Variants in DPP10 observed in about 807,000 individuals in gnomAD.
DPP10 encodes inactive dipeptidyl peptidase 10.
Under a neutral mutation model 120.9 loss-of-function variants are expected in DPP10, and 33 were observed. The ratio of observed to expected loss-of-function variants is 0.27; its 90% CI spans 0.21 to 0.37. DPP10 has a LOEUF of 0.37. DPP10 is among the 10% of genes least tolerant of loss of function. DPP10 has a pLI of 1.00. For missense variants in DPP10, 816 were observed against 942.8 expected, an observed-to-expected ratio of 0.87 and a Z score of 1.76; for synonymous variants, 337 against 326.1, an observed-to-expected ratio of 1.03 and a Z score of -0.36.
intron 5 of DPP10, among the ~76,000 whole-genome samples, chr2:115,676,621 C>A (rs567867996): frequency 6.6e-6 from 1 of 151,868 alleles, no homozygotes; most frequent in Non-Finnish European, 1.5e-5. Context: ...TACAGACAGG[C>A]CTTTTGAGAT....
intron 7 of DPP10, among the ~76,000 whole-genome samples, chr2:115,693,353 A>G (rs1015512034): frequency 6.6e-6 from 1 of 152,120 alleles, no homozygotes; most frequent in Admixed American, 6.6e-5. Flanking sequence ...AGGTGCTCTC[A>G]TCCTTCCTGT....
chr2:114,958,755 A>T (rs1385960801), intron 1 of DPP10, among the ~76,000 whole-genome samples: 1 of 152,156 alleles, frequency 6.6e-6, no homozygotes, highest in Non-Finnish European at 1.5e-5. Flanking sequence ...GAATAGCCTC[A>T]CTGTTTAATT....
intron 5 of DPP10, among the ~76,000 whole-genome samples, chr2:115,565,364 A>G (rs2080935792): frequency 6.6e-6 from 1 of 152,202 alleles, no homozygotes; most frequent in Non-Finnish European, 1.5e-5. Context: ...CCAACTGAGA[A>G]TAAGTTGCCC....
intron 3 of DPP10, chr2:115,468,363 C>A: frequency 2.0e-6 from 1 of 510,376 alleles, no homozygotes. Context: ...CTGCTTCACT[C>A]TTGGGATGTT....
At chr2:115,637,461 C>T (rs748534803) in intron 5 of DPP10, among the ~76,000 whole-genome samples, 13 of 151,728 alleles carry the variant, frequency 8.6e-5, no homozygotes, top group Non-Finnish European at 1.6e-4. Context: ...AAATAGGAGG[C>T]ACAGAATTGA....
At chr2:114,597,968 A>G (rs1370396401) in intron 1 of DPP10, among the ~76,000 whole-genome samples, 3 of 151,870 alleles carry the variant, frequency 2.0e-5, no homozygotes, top group Admixed American at 6.6e-5. Context: ...GGAAAATGGT[A>G]CTTTTGACTT....
chr2:115,041,863 C>T (rs1225389383), intron 1 of DPP10, among the ~76,000 whole-genome samples: 2 of 152,082 alleles, frequency 1.3e-5, no homozygotes, highest in Non-Finnish European at 2.9e-5. Context: ...ATAGGTGGTG[C>T]CCTTTGTAAC....
At chr2:114,733,767 G>A (rs1180474964) in intron 1 of DPP10, among the ~76,000 whole-genome samples, 2 of 152,102 alleles carry the variant, frequency 1.3e-5, no homozygotes, top group Non-Finnish European at 2.9e-5. Flanking sequence ...GTTTTCAAAT[G>A]TAATTATTAT....
At chr2:114,542,297 C>T (rs1687024505) in intron 1 of DPP10, among the ~76,000 whole-genome samples, 1 of 151,950 alleles carries the variant, frequency 6.6e-6, no homozygotes, top group African/African-American at 2.4e-5. Flanking sequence ...ATCCACAAGT[C>T]CCAGTCTCCC....
Position 114,859,886 on chromosome 2 carries a change from CA to C in DPP10, c.60+417049del, listed in dbSNP as rs1302336912. On this transcript the variant is annotated intron_variant, in intron 1 of 25. Transcript: ENST00000410059. The stretch of plus-strand genomic sequence containing the variant: ...CTAGGCTAGACCAGGGCTTCTGAAG[CA>C]TTAATTATACATATGCATCATCTGG... Among the ~76,000 whole-genome samples, 3 of 152,162 alleles carry C rather than the reference CA, an allele frequency of 2.0e-5. No homozygotes were observed. In the East Asian group the frequency reaches 5.8e-4, roughly 29 times the overall value.
At chr2:115,023,857 C>T (rs1288435112) in intron 1 of DPP10, among the ~76,000 whole-genome samples, 1 of 152,104 alleles carries the variant, frequency 6.6e-6, no homozygotes, top group Non-Finnish European at 1.5e-5. Context: ...ATGACATTCA[C>T]AGCAACCTGG....
intron 1 of DPP10, among the ~76,000 whole-genome samples, chr2:114,753,439 G>T (rs1041412907): frequency 4.9e-4 from 74 of 152,166 alleles, no homozygotes; most frequent in African/African-American, 1.7e-3. Flanking sequence ...CTTATCTCCA[G>T]TGATCGCTGT....
intron 4 of DPP10, among the ~76,000 whole-genome samples, chr2:115,503,477 A>G: frequency 6.6e-6 from 1 of 152,196 alleles, no homozygotes; most frequent in South Asian, 2.1e-4. Context: ...ACACAGTAGC[A>G]CAGATAAAGA....
At chr2:115,697,466 A>G (rs1575549812) in intron 7 of DPP10, among the ~76,000 whole-genome samples, 1 of 152,016 alleles carries the variant, frequency 6.6e-6, no homozygotes, top group African/African-American at 2.4e-5. Context: ...AATCATAAAC[A>G]GTTTTGAGAG....
In DPP10 at chr2:115,094,189, G is replaced by A. The variant is rs755337662; in HGVS notation, c.61-215050G>A. On this transcript the variant is annotated intron_variant, in intron 1 of 25. Transcript: ENST00000410059. Reference sequence around the variant, plus strand: ...TTTAATCACTGTTACTTTACACTTTGATGTGCAAATTAAAATCGAGAACGT... The same window carrying A: ...TTTAATCACTGTTACTTTACACTTTAATGTGCAAATTAAAATCGAGAACGT... 4.5e-4 allele frequency among the ~76,000 whole-genome samples: 68 copies of A among 152,132 alleles called. 1 individual carries two copies. The highest frequency in any genetic ancestry group is 1.0e-3 in the African/African-American group (42 of 41,538).
At chr2:115,415,280 T>G (rs2069288193) in intron 3 of DPP10, among the ~76,000 whole-genome samples, 1 of 152,166 alleles carries the variant, frequency 6.6e-6, no homozygotes, top group Non-Finnish European at 1.5e-5. Context: ...TTGGTTTTGG[T>G]GCCTGCCTAT....
rs201565094 is a variant in DPP10, at chr2:114,491,694, T to A, written c.60+48856T>A. ...ATTTTGCTGAGAAGATTTTACTCACTGAAGCATAAAAATACATGCTCTCAA... is the reference window on the plus strand; with the variant it reads ...ATTTTGCTGAGAAGATTTTACTCACAGAAGCATAAAAATACATGCTCTCAA... On this transcript the variant is annotated intron_variant, in intron 1 of 25. Coordinates refer to ENST00000410059, the MANE Select transcript of DPP10 (RefSeq NM_020868.6). 1.6e-4 allele frequency among the ~76,000 whole-genome samples: 25 copies of A among 152,340 alleles called. No homozygotes were observed. The East Asian group carries it at 4.8e-3, about 29-fold the overall frequency.
At chr2:114,677,971 T>C (rs1291630937) in intron 1 of DPP10, among the ~76,000 whole-genome samples, 1 of 152,132 alleles carries the variant, frequency 6.6e-6, no homozygotes, top group Non-Finnish European at 1.5e-5. Flanking sequence ...AAGTGAAAGA[T>C]ATGGAGTGTT....
intron 1 of DPP10, among the ~76,000 whole-genome samples, chr2:114,551,296 C>T (rs1286882992): frequency 6.6e-6 from 1 of 152,202 alleles, no homozygotes; most frequent in Admixed American, 6.5e-5. Context: ...TGGTCCCCAT[C>T]ATGCCCGCTG....
Sources: gnomAD v4.1 joint callset for allele counts (sites outside exome capture counted in the v4.1 genomes callset) on GRCh38, gnomAD v4.1.1 for gene constraint, MANE v1.5 for transcripts, NCBI Gene and HGNC (gene_info 2026-07-23, HGNC 2026-07-21) for gene names.